The following RAP1GAP2 variants were observed in gnomAD, a reference collection of about 807,000 sequenced individuals.
RAP1GAP2 encodes rap1 GTPase-activating protein 2.
Under a neutral mutation model 95.0 loss-of-function variants are expected in RAP1GAP2, and 27 were observed. That is an observed-to-expected ratio of 0.28 (90% CI 0.21 to 0.39). RAP1GAP2 has a LOEUF of 0.39. Among genes scored for constraint, RAP1GAP2 ranks in the 10% least tolerant of loss-of-function variants. The pLI is 1.00. For missense variants in RAP1GAP2, 771 were observed against 970.0 expected (o/e 0.79, Z 2.72); for synonymous variants, 373 against 380.9 (o/e 0.98, Z 0.24).
chr17:2,922,158 G>A (rs1410507166), intron 3 of RAP1GAP2, among the ~76,000 whole-genome samples: 3 of 152,208 alleles, frequency 2.0e-5, no homozygotes, highest in Non-Finnish European at 2.9e-5. Flanking sequence ...TCTGATGAAG[G>A]CCCACGTTCT....
chr17:2,878,916 G>A (rs2073189404), intron 2 of RAP1GAP2, among the ~76,000 whole-genome samples: 1 of 152,204 alleles, frequency 6.6e-6, no homozygotes, highest in Non-Finnish European at 1.5e-5. Flanking sequence ...TAATAATAGT[G>A]CCCTCTTCCC....
At chr17:2,771,245 A>T (rs574029038) in intron 2 of RAP1GAP2, among the ~76,000 whole-genome samples, 1 of 152,190 alleles carries the variant, frequency 6.6e-6, no homozygotes, top group South Asian at 2.1e-4. Flanking sequence ...CCCATGCCAG[A>T]GAGTCCAGCT....
At chr17:2,959,184 T>TC (rs2044223417) in intron 4 of RAP1GAP2, among the ~76,000 whole-genome samples, 1 of 151,990 alleles carries the variant, frequency 6.6e-6, no homozygotes, top group South Asian at 2.1e-4. Context: ...CTCTTCCTTC[T>TC]CCCCCAGCTG....
At chr17:3,026,506 G>A (rs375643134) in intron 21 of RAP1GAP2, 42 bp downstream of exon 21, 46 of 1,432,054 alleles carry the variant, frequency 3.2e-5, no homozygotes, top group South Asian at 6.6e-5. Context: ...ACTCTGGGGC[G>A]TCAGCCAGCC....
chr17:2,800,855 C>G (rs12952930), intron 2 of RAP1GAP2, among the ~76,000 whole-genome samples: 1 of 51,564 alleles, frequency 1.9e-5, no homozygotes, highest in African/African-American at 6.0e-5. Context: ...TTCTTTCTTT[C>G]TTTTTTTTTT....
At chr17:2,994,412 C>T (rs1267334810) in intron 12 of RAP1GAP2, among the ~76,000 whole-genome samples, 7 of 152,220 alleles carry the variant, frequency 4.6e-5, no homozygotes, top group African/African-American at 1.7e-4. Flanking sequence ...CTCCTGGAAG[C>T]CCACCCAGTT....
intron 1 of RAP1GAP2, among the ~76,000 whole-genome samples, chr17:2,766,977 GCA>G (rs2068287451): frequency 1.3e-5 from 2 of 151,082 alleles, no homozygotes; most frequent in South Asian, 2.1e-4. Flanking sequence ...CAGGGCAGCT[GCA>G]CAGTTTTTTT....
chr17:2,800,818 C>CT (rs1169312267), intron 2 of RAP1GAP2, among the ~76,000 whole-genome samples: 31 of 148,912 alleles, frequency 2.1e-4, no homozygotes, highest in African/African-American at 6.2e-4. Context: ...TCCCATTATT[C>CT]TTTTTTTTCT....
At chr17:2,843,348 C>T (rs181752181) in intron 2 of RAP1GAP2, among the ~76,000 whole-genome samples, 133 of 151,328 alleles carry the variant, frequency 8.8e-4, no homozygotes, top group Non-Finnish European at 1.4e-3. Context: ...TGCAGTGGCG[C>T]GATCTCGGCT....
At chr17:3,001,699 T>C (rs1401403785) in intron 14 of RAP1GAP2, among the ~76,000 whole-genome samples, 1 of 152,252 alleles carries the variant, frequency 6.6e-6, no homozygotes, top group African/African-American at 2.4e-5. Flanking sequence ...TAATAGACAG[T>C]TGAAGAGGAA....
At chr17:2,895,061 T>C (rs1229986652) in intron 2 of RAP1GAP2, among the ~76,000 whole-genome samples, 1 of 152,218 alleles carries the variant, frequency 6.6e-6, no homozygotes, top group Non-Finnish European at 1.5e-5. Flanking sequence ...TGTGTGTGTG[T>C]CACCTGTCTC....
rs77171375 is a variant in RAP1GAP2 at position 2,874,870 on chromosome 17, G to C, written c.81-30414G>C. ...GTGGTCACCCTCTGCCCTCAGTTTGGCATCCCTCACACAGCCTCATACTCG... is the reference window on the plus strand; with the variant it reads ...GTGGTCACCCTCTGCCCTCAGTTTGCCATCCCTCACACAGCCTCATACTCG... On this transcript the variant is annotated intron_variant, in intron 2 of 24. Transcript: ENST00000254695. 2.6e-4 allele frequency among the ~76,000 whole-genome samples: 39 copies of C among 152,180 alleles called. No individual in the cohort carries two copies. The East Asian group carries it at 7.0e-3, about 27-fold the overall frequency.
intron 2 of RAP1GAP2, among the ~76,000 whole-genome samples, chr17:2,832,557 C>CA (rs35663343): frequency 0.017 from 1,337 of 76,436 alleles, 18 homozygotes; most frequent in Middle Eastern, 0.044. Flanking sequence ...GACTCCATCT[C>CA]AAAAAAAAAA....
At chr17:2,834,951 G>A (rs1196948283) in intron 2 of RAP1GAP2, among the ~76,000 whole-genome samples, 1 of 151,820 alleles carries the variant, frequency 6.6e-6, no homozygotes, top group Non-Finnish European at 1.5e-5. Flanking sequence ...ATGGAGTCTC[G>A]CTCTGTTGCC....
At chr17:2,875,043 G>A (rs76500731) in intron 2 of RAP1GAP2, among the ~76,000 whole-genome samples, 12,403 of 152,134 alleles carry the variant, frequency 0.082, 600 homozygotes, top group Admixed American at 0.14. Context: ...GGCGCCCTTC[G>A]ACATTTGTTA....
chr17:2,768,976 C>T (rs1421337394), intron 1 of RAP1GAP2, among the ~76,000 whole-genome samples: 1 of 151,044 alleles, frequency 6.6e-6, no homozygotes, highest in East Asian at 1.9e-4. Flanking sequence ...CCTGTAAACC[C>T]AGCACTTTGG....
chr17:2,807,240 C>T (rs1275309808), intron 2 of RAP1GAP2, among the ~76,000 whole-genome samples: 1 of 152,202 alleles, frequency 6.6e-6, no homozygotes, highest in Admixed American at 6.5e-5. Context: ...CAGTTGAAGG[C>T]CACACCTACC....
In RAP1GAP2 at chr17:2,900,967, G is replaced by A. The variant is rs58057976; in HGVS notation, c.81-4317G>A. 4.2e-3 allele frequency among the ~76,000 whole-genome samples: 638 copies of A among 152,292 alleles called. 5 individuals carry two copies. Among genetic ancestry groups the A allele is most frequent in the African/African-American group, 0.015 (610 of 41,564 alleles). ...AAGATGGTCTGAGGCAGAGCCCTCC[G>A]AGGGTGGGGAGGCGAGGAGCCTGCA... is the stretch of plus-strand genomic sequence containing the variant. On this transcript the variant is annotated intron_variant, in intron 2 of 24. Coordinates refer to ENST00000254695, the MANE Select transcript of RAP1GAP2 (RefSeq NM_015085.5).
At chr17:2,756,797 G>T (rs765155756) in intron 1 of RAP1GAP2, among the ~76,000 whole-genome samples, 2 of 152,138 alleles carry the variant, frequency 1.3e-5, no homozygotes, top group African/African-American at 2.4e-5. Flanking sequence ...CTGAGAGGAA[G>T]GTATTAGCAC....
Sources: gnomAD v4.1 joint callset for allele counts (sites outside exome capture counted in the v4.1 genomes callset) on GRCh38, gnomAD v4.1.1 for gene constraint, MANE v1.5 for transcripts, NCBI Gene and HGNC (gene_info 2026-07-23, HGNC 2026-07-21) for gene names.